The following CDH2 variants were observed in gnomAD, a reference collection of about 807,000 sequenced individuals.
CDH2 encodes the protein cadherin 2.
Under a neutral mutation model 92.0 loss-of-function variants are expected in CDH2, and 17 were observed. That is an observed-to-expected ratio of 0.18 (90% CI 0.13 to 0.28). CDH2 has a LOEUF of 0.28. Among genes scored for constraint, CDH2 ranks in the 10% least tolerant of loss-of-function variants. The pLI is 1.00. For missense variants in CDH2, 862 were observed against 1,133.1 expected (o/e 0.76, Z 3.44); for synonymous variants, 419 against 415.9 (o/e 1.01, Z -0.09).
intron 1 of CDH2, among the ~76,000 whole-genome samples, chr18:28,167,851 T>C (rs561204321): frequency 2.0e-5 from 3 of 152,250 alleles, no homozygotes; most frequent in Admixed American, 1.3e-4. Flanking sequence ...ATCGTAAAGG[T>C]GTTGACACCA....
intron 2 of CDH2, among the ~76,000 whole-genome samples, chr18:28,081,038 T>C (rs2014819094): frequency 6.6e-6 from 1 of 152,102 alleles, no homozygotes; most frequent in Non-Finnish European, 1.5e-5. Context: ...AAACTCTCGG[T>C]CTTGGCTTCC....
chr18:28,122,092 A>G (rs560260930), intron 2 of CDH2, among the ~76,000 whole-genome samples: 28 of 152,200 alleles, frequency 1.8e-4, no homozygotes, highest in African/African-American at 6.5e-4. Flanking sequence ...TGAAAGTTTT[A>G]GGCTCCTTTC....
At chr18:28,066,133 T>C (rs768750175) in intron 2 of CDH2, among the ~76,000 whole-genome samples, 41 of 152,200 alleles carry the variant, frequency 2.7e-4, no homozygotes, top group Non-Finnish European at 7.3e-5. Flanking sequence ...TGAAAAGTTG[T>C]TGGTAAGTAC....
rs747117273 is a variant in CDH2 at position 28,013,827 on chromosome 18, G to A, written c.255C>T (p.Gly85=). 6.2e-7 allele frequency: 1 copy of A among 1,613,942 alleles called. No individual in the cohort carries two copies. Among genetic ancestry groups the A allele is most frequent in the Non-Finnish European group, 8.5e-7 (1 of 1,179,916 alleles). The change falls in exon 3 of 16, where the codon GGC becomes GGT. Residue 85 remains glycine (G), a synonymous_variant. Transcript: ENST00000269141. ...EPADFKVDED[G]MVYAVRSFPL... is the part of the protein sequence containing the mutation. Reference sequence around the variant, plus strand: ...GAAAGCTTCTCACGGCATACACCATGCCATCTTCATCCACCTTAAAATCTG... The same window carrying A: ...GAAAGCTTCTCACGGCATACACCATACCATCTTCATCCACCTTAAAATCTG...
At chr18:28,152,473 C>T (rs2016139215) in intron 1 of CDH2, among the ~76,000 whole-genome samples, 1 of 152,050 alleles carries the variant, frequency 6.6e-6, no homozygotes, top group African/African-American at 2.4e-5. Flanking sequence ...GCTTCCCAAG[C>T]AGAGAGCTGG....
chr18:28,046,439 C>CA (rs1330719134), intron 2 of CDH2, among the ~76,000 whole-genome samples: 6 of 151,932 alleles, frequency 3.9e-5, no homozygotes, highest in Non-Finnish European at 8.8e-5. Context: ...AGAATAAATG[C>CA]AAAGATGTGG....
At chr18:28,092,648 A>G (rs1166152907) in intron 2 of CDH2, among the ~76,000 whole-genome samples, 1 of 152,120 alleles carries the variant, frequency 6.6e-6, no homozygotes, top group Non-Finnish European at 1.5e-5. Context: ...AAATAATATT[A>G]TTTTGTACGG....
At position 27,985,207 on chromosome 18, in the gene CDH2, T is replaced by C; in HGVS notation, c.2002A>G (p.Ile668Val). 1 of 1,610,814 alleles carries C rather than the reference T, an allele frequency of 6.2e-7. No homozygotes were observed. The highest frequency in any genetic ancestry group is 8.5e-7 in the Non-Finnish European group (1 of 1,177,100). Residue 668 changes from isoleucine to valine, a missense_variant, in exon 13 of 16, where the codon ATA (isoleucine) becomes GTA (valine). Ile to Val is a conservative substitution (Grantham distance 29). This residue lies in a region of CDH2 where 564 missense variants were observed against 722.2 expected (regional missense o/e 0.78). Coordinates refer to ENST00000269141, the MANE Select transcript of CDH2 (RefSeq NM_001792.5). ...NGDFAQLNLK[I>V]KFLEAGIYEV... Reference sequence around the variant, plus strand: ...TAGATACCAGCTTCAAGAAATTTTATCTTTAAATTAAGCTGAGCAAAATCA... The same window carrying C: ...TAGATACCAGCTTCAAGAAATTTTACCTTTAAATTAAGCTGAGCAAAATCA...
At chr18:28,156,726 ATAG>A (rs1568020644) in intron 1 of CDH2, among the ~76,000 whole-genome samples, 72 of 136,298 alleles carry the variant, frequency 5.3e-4, no homozygotes, top group African/African-American at 9.2e-4. Flanking sequence ...CTTCCCAGGT[ATAG>A]CATGTCACCT....
intron 1 of CDH2, among the ~76,000 whole-genome samples, chr18:28,176,477 G>A (rs1411148794): frequency 6.6e-6 from 1 of 152,210 alleles, no homozygotes; most frequent in African/African-American, 2.4e-5. Flanking sequence ...GCGCACGGGT[G>A]CAGGGTGGGG....
chr18:27,985,171 T>C lies in CDH2; in HGVS notation c.2038A>G (p.Ile680Val). The C allele has an allele frequency of 1.2e-6, 2 of 1,613,450 alleles. No individual in the cohort carries two copies. Among genetic ancestry groups the C allele is most frequent in the South Asian group, 1.1e-5 (1 of 91,064 alleles). ...FLEAGIYEVP[I>V]IITDSGNPPK... Reference sequence around the variant, plus strand: ...GGATTACCCGAATCTGTGATTATGATGGGAACTTCATAGATACCAGCTTCA... The same window carrying C: ...GGATTACCCGAATCTGTGATTATGACGGGAACTTCATAGATACCAGCTTCA... Residue 680 changes from isoleucine (I) to valine (V), a missense_variant, in exon 13 of 16, where the codon ATC (isoleucine) becomes GTC (valine). By Grantham distance (29) the Ile-to-Val change is conservative. Around this residue, in one of 5 missense-constraint regions of CDH2, gnomAD observed 564 missense variants for 722.2 expected, o/e 0.78. Coordinates refer to ENST00000269141, the MANE Select transcript of CDH2 (RefSeq NM_001792.5).
At chr18:28,074,545 C>G (rs1550662) in intron 2 of CDH2, among the ~76,000 whole-genome samples, 31,601 of 151,822 alleles carry the variant, frequency 0.21, 3,812 homozygotes, top group Non-Finnish European at 0.27. Context: ...CACGCCCGGA[C>G]GGGTCTTTAG....
chr18:28,034,866 T>G (rs1293892288), intron 2 of CDH2, among the ~76,000 whole-genome samples: 1 of 152,058 alleles, frequency 6.6e-6, no homozygotes, highest in Non-Finnish European at 1.5e-5. Context: ...TTCCAAATTC[T>G]ATATCTCATC....
intron 2 of CDH2, among the ~76,000 whole-genome samples, chr18:28,097,427 T>C (rs1300249164): frequency 6.6e-6 from 1 of 152,022 alleles, no homozygotes; most frequent in Non-Finnish European, 1.5e-5. Flanking sequence ...TAATGTCTAT[T>C]ATCCCAGCAT....
At chr18:28,090,899 T>C (rs2015024479) in intron 2 of CDH2, among the ~76,000 whole-genome samples, 1 of 152,280 alleles carries the variant, frequency 6.6e-6, no homozygotes, top group African/African-American at 2.4e-5. Flanking sequence ...AAGTAGAACA[T>C]TGAGATAATA....
At chr18:28,029,276 C>T (rs1180157827) in intron 2 of CDH2, among the ~76,000 whole-genome samples, 4 of 151,968 alleles carry the variant, frequency 2.6e-5, no homozygotes, top group African/African-American at 9.7e-5. Flanking sequence ...AATGTAGTAA[C>T]ATAACAATAA....
chr18:27,975,109 T>C (rs371615144), intron 14 of CDH2, among the ~76,000 whole-genome samples: 36 of 152,234 alleles, frequency 2.4e-4, no homozygotes, highest in African/African-American at 8.2e-4. Context: ...GAAACCTATA[T>C]AGTGTTCTCT....
intron 14 of CDH2, among the ~76,000 whole-genome samples, chr18:27,970,468 C>T (rs2011629668): frequency 1.3e-5 from 2 of 152,156 alleles, no homozygotes; most frequent in Non-Finnish European, 2.9e-5. Flanking sequence ...CAAAATCCTT[C>T]CCTAGTTTAT....
intron 2 of CDH2, among the ~76,000 whole-genome samples, chr18:28,016,442 A>G (rs2013248083): frequency 6.6e-6 from 1 of 150,854 alleles, no homozygotes. Context: ...AACACAAACA[A>G]ATGAACAAAC....
Sources: allele counts gnomAD v4.1 joint callset (sites outside exome capture counted in the v4.1 genomes callset), GRCh38; gene constraint gnomAD v4.1.1; regional missense constraint gnomAD v4.1.1; transcripts MANE v1.5; gene names NCBI Gene and HGNC (gene_info 2026-07-23, HGNC 2026-07-21).